The following ARHGEF12 variants were observed in gnomAD, a reference collection of about 807,000 sequenced individuals.
ARHGEF12 encodes the protein KMT2A/ARHGEF12 fusion protein.
ARHGEF12 carries 66 observed loss-of-function variants against 211.2 expected under a neutral mutation model. That is an observed-to-expected ratio of 0.31 (90% confidence interval 0.26 to 0.38). The LOEUF (loss-of-function observed/expected upper bound fraction) is 0.38, where lower values mean the gene tolerates loss of function less well. Among genes scored for constraint, ARHGEF12 ranks in the 10% least tolerant of loss-of-function variants. The pLI, the probability that ARHGEF12 is intolerant of heterozygous loss-of-function variation, is 1.00. For missense variants in ARHGEF12, 1,429 were observed against 1,869.5 expected, an observed-to-expected ratio of 0.76 and a Z score of 4.34; for synonymous variants, 592 against 638.4, an observed-to-expected ratio of 0.93 and a Z score of 1.09.
At chr11:120,357,136 G>GA (rs1943152517) in intron 1 of ARHGEF12, among the ~76,000 whole-genome samples, 1 of 151,958 alleles carries the variant, frequency 6.6e-6, no homozygotes. Flanking sequence ...GGGACTGCAG[G>GA]CATGTGCCAC....
intron 3 of ARHGEF12, chr11:120,408,407 C>G (rs1012166611): frequency 6.6e-6 from 1 of 152,130 alleles, no homozygotes; most frequent in African/African-American, 2.4e-5. Context: ...AGATTGATCT[C>G]CTTTTAAAAC....
intron 1 of ARHGEF12, among the ~76,000 whole-genome samples, chr11:120,352,598 A>T (rs1030621402): frequency 1.4e-4 from 22 of 152,232 alleles, no homozygotes; most frequent in African/African-American, 5.1e-4. Flanking sequence ...TCTGAGCCTT[A>T]AAACACTTGT....
intron 22 of ARHGEF12, among the ~76,000 whole-genome samples, chr11:120,453,948 G>A (rs1228919197): frequency 6.6e-6 from 1 of 152,170 alleles, no homozygotes; most frequent in East Asian, 1.9e-4. Context: ...TCTAATCCCT[G>A]AATTACAGAG....
chr11:120,415,174 G>A (rs978494615), intron 4 of ARHGEF12, among the ~76,000 whole-genome samples: 13 of 152,064 alleles, frequency 8.5e-5, no homozygotes, highest in African/African-American at 3.1e-4. Context: ...CTGGTTTTTG[G>A]GTTTTTTTTT....
chr11:120,453,167 A>G (rs535240610), intron 22 of ARHGEF12, among the ~76,000 whole-genome samples: 14 of 152,188 alleles, frequency 9.2e-5, no homozygotes, highest in Non-Finnish European at 1.9e-4. Context: ...GCTGCTGGGA[A>G]TAGGCAGGTT....
intron 28 of ARHGEF12, among the ~76,000 whole-genome samples, chr11:120,466,161 G>T (rs1174277014): frequency 6.6e-6 from 1 of 152,226 alleles, no homozygotes; most frequent in Non-Finnish European, 1.5e-5. Flanking sequence ...CCTCCCTTGA[G>T]AGTTTGACCA....
At chr11:120,399,251 T>C (rs1204644724) in intron 1 of ARHGEF12, among the ~76,000 whole-genome samples, 1 of 134,618 alleles carries the variant, frequency 7.4e-6, no homozygotes, top group Non-Finnish European at 1.5e-5. Context: ...AGCCCAGGAG[T>C]TCGAGGTTAC....
chr11:120,351,397 T>A (rs1942939004), intron 1 of ARHGEF12, among the ~76,000 whole-genome samples: 1 of 111,750 alleles, frequency 8.9e-6, no homozygotes, highest in Non-Finnish European at 1.8e-5. Flanking sequence ...ATACTTGGGA[T>A]GTAGGAAAGG....
In ARHGEF12 at chr11:120,389,575, TTCATC is replaced by T. The variant is rs1206917486; in HGVS notation, c.33-16539_33-16535del. ...TCACATCAGGGTGGATGGGGTATCT[TTCATC>T]TCAAGCATTTATCTTTTGTGTTACA... is the stretch of plus-strand genomic sequence containing the variant. On this transcript the variant is annotated intron_variant, in intron 1 of 40. Transcript: ENST00000397843. 3.3e-5 allele frequency among the ~76,000 whole-genome samples: 5 copies of T among 152,200 alleles called. No homozygotes were observed. The East Asian group carries it at 9.6e-4, about 29-fold the overall frequency.
intron 3 of ARHGEF12, 107 bp from the exon 4 acceptor site, chr11:120,409,287 C>A: frequency 1.8e-6 from 2 of 1,084,240 alleles, no homozygotes; most frequent in Non-Finnish European, 2.7e-6. Context: ...TTTGTGTTTG[C>A]ACGATTTAAC....
chr11:120,442,310 C>A, intron 15 of ARHGEF12, 108 bp downstream of exon 15: 1 of 703,042 alleles, frequency 1.4e-6, no homozygotes, highest in Non-Finnish European at 2.2e-6. Flanking sequence ...TGCTTTCTCA[C>A]ACCTGTATTA....
At chr11:120,449,024 A>G in intron 20 of ARHGEF12, 85 bp from the exon 21 acceptor site, 1 of 1,119,300 alleles carries the variant, frequency 8.9e-7, no homozygotes, top group Non-Finnish European at 1.3e-6. Context: ...AATTTCTTTG[A>G]ACTAACCATT....
intron 7 of ARHGEF12, among the ~76,000 whole-genome samples, chr11:120,425,281 A>G (rs1197644245): frequency 6.7e-6 from 1 of 150,226 alleles, no homozygotes; most frequent in Non-Finnish European, 1.5e-5. Context: ...CTTTGGTTTC[A>G]TTTTGTTGTT....
At chr11:120,343,413 A>G (rs1217075507) in intron 1 of ARHGEF12, among the ~76,000 whole-genome samples, 2 of 152,286 alleles carry the variant, frequency 1.3e-5, no homozygotes, top group Non-Finnish European at 2.9e-5. Flanking sequence ...GAAGACCGCT[A>G]TAAGACAGCT....
At chr11:120,477,081 TTTGTTGTTGTTGTTGTTGTTGTTG>T (rs146792075) in intron 34 of ARHGEF12, 114 bp from the exon 35 acceptor site, 72 of 662,012 alleles carry the variant, frequency 1.1e-4, no homozygotes, top group Non-Finnish European at 1.7e-4. Flanking sequence ...CAGAGTGGGT[TTTGTTGTTGTTGTTGTTGTTGTTG>T]TTGTTGTTGT....
chr11:120,344,237 A>T (rs1048536441), intron 1 of ARHGEF12, among the ~76,000 whole-genome samples: 1 of 123,496 alleles, frequency 8.1e-6, no homozygotes, highest in Non-Finnish European at 1.6e-5. Flanking sequence ...CTGCACTCCT[A>T]CCTGGATGAC....
At chr11:120,357,243 C>T (rs1387197066) in intron 1 of ARHGEF12, among the ~76,000 whole-genome samples, 1 of 152,146 alleles carries the variant, frequency 6.6e-6, no homozygotes, top group Non-Finnish European at 1.5e-5. Context: ...ATCCGCCTGC[C>T]TCAACCTCCC....
intron 1 of ARHGEF12, chr11:120,405,883 C>A: frequency 2.7e-6 from 1 of 364,100 alleles, no homozygotes; most frequent in South Asian, 7.9e-5. Context: ...AAAAGAAAAG[C>A]TATATTCTAG....
chr11:120,481,379 C>A lies in ARHGEF12; in HGVS notation c.4357C>A (p.Gln1453Lys). 6.2e-7 allele frequency: 1 copy of A among 1,614,172 alleles called. No homozygotes were observed. The highest frequency in any genetic ancestry group is 8.5e-7 in the Non-Finnish European group (1 of 1,180,036). The change falls in exon 39 of 41, where the codon CAG (glutamine) becomes AAG (lysine). Residue 1453 changes from glutamine (Q) to lysine (K), a missense_variant. This residue lies in a region of ARHGEF12 where 467 missense variants were observed against 468.4 expected (regional missense o/e 1.00). Transcript: ENST00000397843. ...TGIPAVESTHQQQHSPQNTHS... is the reference protein window; with the variant it reads ...TGIPAVESTHKQQHSPQNTHS... ...CATCCCTGCTGTGGAATCCACCCAC[C>A]AGCAGCAACATTCTCCTCAGAATAC...
Sources: gnomAD v4.1 joint callset for allele counts (sites outside exome capture counted in the v4.1 genomes callset) on GRCh38, gnomAD v4.1.1 for gene constraint, gnomAD v4.1.1 regional missense constraint, MANE v1.5 for transcripts, NCBI Gene and HGNC (gene_info 2026-07-23, HGNC 2026-07-21) for gene names.